Variants in JAK1 observed in about 807,000 individuals in gnomAD.
JAK1 encodes the protein tyrosine-protein kinase JAK1.
Under a neutral mutation model 136.6 loss-of-function variants are expected in JAK1, and 16 were observed. The observed-to-expected ratio is 0.12, with a 90% CI of 0.08 to 0.18. The LOEUF (loss-of-function observed/expected upper bound fraction) is 0.18, where lower values mean the gene tolerates loss of function less well. JAK1 is among the 10% of genes least tolerant of loss of function. JAK1 has a pLI of 1.00. For synonymous variants in JAK1, 492 were observed against 519.5 expected (o/e 0.95, Z 0.72); for missense variants, 859 against 1,450.1 (o/e 0.59, Z 6.62).
At chr1:64,965,287 A>G (rs1646351920) in intron 1 of JAK1, among the ~76,000 whole-genome samples, 2 of 152,096 alleles carry the variant, frequency 1.3e-5, no homozygotes, top group Non-Finnish European at 2.9e-5. Context: ...AAAAGTGTCA[A>G]TGACATGTAT....
chr1:64,967,325 A>C (rs1384913939), upstream of JAK1, among the ~76,000 whole-genome samples: 1 of 152,188 alleles, frequency 6.6e-6, no homozygotes, highest in Non-Finnish European at 1.5e-5. Flanking sequence ...ATGTTCCGGC[A>C]ACACGGTCCG....
At position 64,836,013 on chromosome 1, in the gene JAK1, T is replaced by C. The variant is rs538010678; in HGVS notation, c.3258+85A>G. The C allele has an allele frequency of 1.5e-4, 114 of 763,346 alleles. No homozygotes were observed. The East Asian group carries it at 2.7e-3, about 18-fold the overall frequency. The allele number at this position is 763,346 out of a possible 1,614,324, so 47.3% of individuals were successfully genotyped here. A position where few individuals can be genotyped will look rare whatever the true frequency, so the allele number is the denominator to read the frequency against. On this transcript the variant is annotated intron_variant, in intron 23 of 24. Transcript: ENST00000342505. ...ATTATAATACATTCATTGGATTCCATTTAAAAACAAAAGTTAACCAAGCAG... is the reference window on the plus strand; with the variant it reads ...ATTATAATACATTCATTGGATTCCACTTAAAAACAAAAGTTAACCAAGCAG...
chr1:64,954,294 T>C (rs1307366030), intron 1 of JAK1, among the ~76,000 whole-genome samples: 3 of 152,350 alleles, frequency 2.0e-5, no homozygotes, highest in Non-Finnish European at 4.4e-5. Flanking sequence ...TCCAAGTCTC[T>C]GGCTATTACA....
chr1:64,944,317 AT>A (rs1645944733), intron 1 of JAK1, among the ~76,000 whole-genome samples: 1 of 152,102 alleles, frequency 6.6e-6, no homozygotes, highest in Non-Finnish European at 1.5e-5. Flanking sequence ...TAAATTGGAA[AT>A]TTTTAAAAAA....
At chr1:64,857,112 T>G (rs1655988920) in intron 10 of JAK1, among the ~76,000 whole-genome samples, 2 of 152,236 alleles carry the variant, frequency 1.3e-5, no homozygotes, top group African/African-American at 4.8e-5. Context: ...CATCCCCAGC[T>G]TCAGCTACGC....
At chr1:64,899,391 T>G (rs1300859043) in intron 1 of JAK1, among the ~76,000 whole-genome samples, 1 of 152,206 alleles carries the variant, frequency 6.6e-6, no homozygotes, top group Non-Finnish European at 1.5e-5. Flanking sequence ...TAAATTACTG[T>G]CACCTATAAA....
In JAK1 at chr1:64,844,176, A is replaced by G. The variant is rs2100990283; in HGVS notation, c.2291T>C (p.Val764Ala). ...CACACTCAGGTTCTTGGAGTCCTCAACACACTCAGGAGCAATCCATGGGAT... is the reference window on the plus strand; with the variant it reads ...CACACTCAGGTTCTTGGAGTCCTCAGCACACTCAGGAGCAATCCATGGGAT... The part of the protein sequence containing the change: ...ERIPWIAPEC[V>A]EDSKNLSVAA... The change falls in exon 17 of 25, where the codon GTT becomes GCT. Residue 764 changes from valine to alanine, a missense_variant. Physicochemically the swap from Val to Ala is moderately conservative, Grantham distance 64. This residue lies in a region of JAK1 where 409 missense variants were observed against 753.8 expected (regional missense o/e 0.54). Transcript: ENST00000342505. The surrounding 1 kb of genome is among the most constrained non-coding windows in gnomAD (Gnocchi z 5.7). 2 of 1,614,224 alleles carry G rather than the reference A, an allele frequency of 1.2e-6. No individual in the cohort carries two copies. The highest frequency in any genetic ancestry group is 1.7e-6 in the Non-Finnish European group (2 of 1,180,048).
At chr1:65,060,484 A>G (rs1216810506) in intron 1 of JAK1, among the ~76,000 whole-genome samples, 2 of 152,226 alleles carry the variant, frequency 1.3e-5, no homozygotes, top group Non-Finnish European at 2.9e-5. Flanking sequence ...AAGGAAGTGT[A>G]CTGCAAAGTT....
chr1:64,975,431 A>C (rs961570415), intron 2 of JAK1, among the ~76,000 whole-genome samples: 1 of 152,166 alleles, frequency 6.6e-6, no homozygotes, highest in African/African-American at 2.4e-5. Context: ...CACATTTCAC[A>C]CACTGGACTG....
chr1:65,004,317 A>G (rs1197037804), intron 2 of JAK1, among the ~76,000 whole-genome samples: 1 of 152,192 alleles, frequency 6.6e-6, no homozygotes, highest in East Asian at 1.9e-4. Context: ...GAATAAGCAA[A>G]ACAGTGCTTC....
chr1:64,860,823 ACT>A (rs1163144631), intron 8 of JAK1, among the ~76,000 whole-genome samples: 12 of 103,516 alleles, frequency 1.2e-4, no homozygotes, highest in African/African-American at 3.9e-4. Context: ...CTATCAGATG[ACT>A]CTGTGTGTGT....
chr1:64,861,585 G>C (rs1187924513), intron 8 of JAK1, among the ~76,000 whole-genome samples: 1 of 152,104 alleles, frequency 6.6e-6, no homozygotes, highest in Non-Finnish European at 1.5e-5. Context: ...AGCATCTGAG[G>C]CTTCAAAAAA....
rs567594191 is a variant in JAK1 at position 64,977,426 on chromosome 1, A to T, written c.-78+67054T>A. On this transcript the variant is annotated intron_variant, in intron 2 of 25. Transcript: ENST00000671954. Reference sequence around the variant, plus strand: ...CTCAGCATCCCAAAGTACTGGGATTACAGGCATGAGCCACTGCACCCAGCC... The same window carrying T: ...CTCAGCATCCCAAAGTACTGGGATTTCAGGCATGAGCCACTGCACCCAGCC... Among the ~76,000 whole-genome samples, 3 of 149,726 alleles carry T rather than the reference A, an allele frequency of 2.0e-5. No individual in the cohort carries two copies. In the South Asian group the frequency reaches 6.3e-4, roughly 31 times the overall value.
In JAK1 at chr1:65,055,846, G is replaced by A. The variant is rs536153999; in HGVS notation, c.-180-11264C>T. Among the ~76,000 whole-genome samples, 46 of 152,292 alleles carry A rather than the reference G, an allele frequency of 3.0e-4. 1 individual carries two copies. The East Asian group carries it at 8.9e-3, about 29-fold the overall frequency. Reference sequence around the variant, plus strand: ...ACTCTGTCCGTAGTGCAGGGTGACTGCAAATGACACCCAACACTCAGTTCT... The same window carrying A: ...ACTCTGTCCGTAGTGCAGGGTGACTACAAATGACACCCAACACTCAGTTCT... On this transcript the variant is annotated intron_variant, in intron 1 of 25. Coordinates refer to the JAK1 transcript ENST00000671954.
In JAK1 at chr1:64,838,074, C is replaced by T. The variant is rs897926965; in HGVS notation, c.2998G>A (p.Val1000Ile). The T allele has an allele frequency of 2.5e-6, 4 of 1,614,034 alleles. No homozygotes were observed. Among genetic ancestry groups the T allele is most frequent in the South Asian group, 1.1e-5 (1 of 91,064 alleles). Reference sequence around the variant, plus strand: ...TTTCTTGCTGCCAAGTCCCGGTGAACGTATTGCCGAGAACCCAAATAGTCC... The same window carrying T: ...TTTCTTGCTGCCAAGTCCCGGTGAATGTATTGCCGAGAACCCAAATAGTCC... ...GMDYLGSRQY[V>I]HRDLAARNVL... is the part of the protein sequence containing the mutation. Residue 1000 changes from valine to isoleucine, a missense_variant, in exon 22 of 25, where the codon GTT becomes ATT. Val to Ile is a conservative substitution (Grantham distance 29, BLOSUM62 3). Transcript: ENST00000342505.
chr1:65,043,528 A>T (rs1383795683), intron 2 of JAK1, among the ~76,000 whole-genome samples: 1 of 151,800 alleles, frequency 6.6e-6, no homozygotes, highest in African/African-American at 2.4e-5. Flanking sequence ...ATATATATAT[A>T]GTTTGTTTTT....
intron 2 of JAK1, 51 bp downstream of exon 2, chr1:64,886,208 T>C (rs771196233): frequency 7.9e-7 from 1 of 1,264,208 alleles, no homozygotes; most frequent in African/African-American, 1.5e-5. Flanking sequence ...TTTCATCAAT[T>C]TTTTTAAAGC....
At chr1:64,999,642 G>A (rs1367678796) in intron 2 of JAK1, among the ~76,000 whole-genome samples, 1 of 151,798 alleles carries the variant, frequency 6.6e-6, no homozygotes, top group Non-Finnish European at 1.5e-5. Context: ...GGCTGAAGCA[G>A]GAGGATCACT....
intron 2 of JAK1, among the ~76,000 whole-genome samples, chr1:65,020,298 G>A (rs1025156002): frequency 1.7e-4 from 25 of 151,210 alleles, no homozygotes; most frequent in Admixed American, 2.6e-4. Context: ...CTTTCAAAGT[G>A]GTTGTGCTAA....
Sources: allele counts gnomAD v4.1 joint callset (sites outside exome capture counted in the v4.1 genomes callset), GRCh38; gene constraint gnomAD v4.1.1; regional missense constraint gnomAD v4.1.1; non-coding constraint Gnocchi (gnomAD v3.1); transcripts MANE v1.5; gene names NCBI Gene and HGNC (gene_info 2026-07-23, HGNC 2026-07-21).